TRPM3: variants seen among roughly 807,000 people sequenced by gnomAD.
The protein encoded by TRPM3 is long transient receptor potential channel 3.
A neutral mutation model predicts 181.2 loss-of-function variants in TRPM3; 77 were observed. The observed-to-expected ratio is 0.42, with a 90% confidence interval of 0.35 to 0.51. The LOEUF (loss-of-function observed/expected upper bound fraction) is 0.51, where lower values mean the gene tolerates loss of function less well. Ranked by LOEUF, TRPM3 falls within the 20% of genes least tolerant of loss-of-function variation. TRPM3 has a pLI of 0.01. For synonymous variants in TRPM3, 745 were observed against 796.4 expected (o/e 0.94, Z 1.09); for missense variants, 1,759 against 2,196.7 (o/e 0.80, Z 3.98).
chr9:71,438,601 A>T (rs939768988), intron 1 of TRPM3, among the ~76,000 whole-genome samples: 2 of 152,184 alleles, frequency 1.3e-5, no homozygotes, highest in Non-Finnish European at 2.9e-5. Flanking sequence ...TGAGCCCGGG[A>T]GGCTGAGGCT....
At chr9:71,146,109 G>C (rs1208161671) in intron 1 of TRPM3, among the ~76,000 whole-genome samples, 2 of 152,066 alleles carry the variant, frequency 1.3e-5, no homozygotes, top group Non-Finnish European at 2.9e-5. Context: ...TATTATCTTT[G>C]TGTATTTGGA....
intron 1 of TRPM3, among the ~76,000 whole-genome samples, chr9:70,872,307 G>C (rs1358133073): frequency 6.6e-6 from 1 of 151,916 alleles, no homozygotes. Context: ...GGTGTGAGTG[G>C]TGAGGTGTCA....
intron 1 of TRPM3, among the ~76,000 whole-genome samples, chr9:71,143,645 A>G (rs993024220): frequency 6.6e-6 from 1 of 152,208 alleles, no homozygotes; most frequent in East Asian, 1.9e-4. Context: ...TGCTGCAATG[A>G]ACATACACAT....
intron 22 of TRPM3, among the ~76,000 whole-genome samples, chr9:70,567,187 A>G (rs1337323190): frequency 1.3e-5 from 2 of 152,220 alleles, no homozygotes; most frequent in Admixed American, 6.5e-5. Context: ...AAGAAACCCA[A>G]ACTGAAGCTA....
Position 70,811,290 on chromosome 9 carries a change from A to G in TRPM3, c.973+16557T>C, listed in dbSNP as rs373426639. ...TGAAATTTCTACACCCTGTGGTTGC[A>G]TACACATTTTATTAAAGCAGATGGA... On this transcript the variant is annotated intron_variant, in intron 6 of 25. Coordinates refer to ENST00000677713, the MANE Select transcript of TRPM3 (RefSeq NM_001366145.2). 1.8e-4 allele frequency: 268 copies of G among 1,496,808 alleles called. 5 individuals carry two copies. In the South Asian group the frequency reaches 3.0e-3, roughly 17 times the overall value. The allele number at this position is 1,496,808 out of a possible 1,614,324, so 92.7% of individuals were successfully genotyped here. A position where few individuals can be genotyped will look rare whatever the true frequency, so the allele number is the denominator to read the frequency against.
intron 1 of TRPM3, among the ~76,000 whole-genome samples, chr9:71,295,474 T>C (rs1421802186): frequency 6.6e-6 from 1 of 151,568 alleles, no homozygotes; most frequent in Non-Finnish European, 1.5e-5. Flanking sequence ...GGCTTCCTTT[T>C]TTTTTTTTTA....
At chr9:70,815,508 G>C (rs1438944785) in intron 6 of TRPM3, among the ~76,000 whole-genome samples, 3 of 152,082 alleles carry the variant, frequency 2.0e-5, no homozygotes, top group Non-Finnish European at 4.4e-5. Context: ...TATACATAAT[G>C]ACACTCAATA....
At chr9:70,812,687 G>C (rs2092239572) in intron 6 of TRPM3, among the ~76,000 whole-genome samples, 1 of 152,160 alleles carries the variant, frequency 6.6e-6, no homozygotes, top group African/African-American at 2.4e-5. Flanking sequence ...ACAAGCACTT[G>C]TTAATGGAAC....
intron 1 of TRPM3, among the ~76,000 whole-genome samples, chr9:71,287,276 G>A (rs941197589): frequency 1.3e-5 from 2 of 151,538 alleles, no homozygotes; most frequent in African/African-American, 4.8e-5. Flanking sequence ...TTGTACAAAT[G>A]CCAAGAAGAG....
chr9:71,380,905 G>T (rs113271902), intron 1 of TRPM3, among the ~76,000 whole-genome samples: 2,346 of 150,010 alleles, frequency 0.016, 70 homozygotes, highest in African/African-American at 0.051. Context: ...GCCATATATA[G>T]TAGGGAGTAG....
intron 1 of TRPM3, among the ~76,000 whole-genome samples, chr9:71,163,519 A>C (rs947805906): frequency 2.0e-5 from 3 of 152,136 alleles, no homozygotes; most frequent in Non-Finnish European, 4.4e-5. Flanking sequence ...AAAATTTGGA[A>C]AAGAATGATG....
At chr9:70,800,078 T>C (rs2088476007) in intron 6 of TRPM3, among the ~76,000 whole-genome samples, 1 of 152,218 alleles carries the variant, frequency 6.6e-6, no homozygotes, top group African/African-American at 2.4e-5. Flanking sequence ...GGTTCAACAC[T>C]GAACATGAAC....
At chr9:71,398,915 A>C (rs1588850416) in intron 1 of TRPM3, among the ~76,000 whole-genome samples, 1 of 152,248 alleles carries the variant, frequency 6.6e-6, no homozygotes, top group East Asian at 1.9e-4. Flanking sequence ...GAGTAATGTA[A>C]ACTTTAAAAT....
intron 1 of TRPM3, among the ~76,000 whole-genome samples, chr9:71,434,024 T>A (rs999894190): frequency 6.6e-6 from 1 of 152,048 alleles, no homozygotes; most frequent in Non-Finnish European, 1.5e-5. Flanking sequence ...CCAGGCGTGG[T>A]GGCGCGCACC....
At chr9:71,396,902 G>A (rs1207623843) in intron 1 of TRPM3, among the ~76,000 whole-genome samples, 1 of 151,042 alleles carries the variant, frequency 6.6e-6, no homozygotes, top group East Asian at 1.9e-4. Context: ...GGAGGTGGAG[G>A]TTGCAGTGAG....
intron 1 of TRPM3, among the ~76,000 whole-genome samples, chr9:71,336,745 C>T (rs559497823): frequency 6.6e-6 from 1 of 152,144 alleles, no homozygotes; most frequent in East Asian, 1.9e-4. Context: ...GTACTGGTAC[C>T]AAAATAGAGA....
chr9:70,843,156 T>C, intron 4 of TRPM3, 29 bp from the exon 5 acceptor site: 2 of 1,594,444 alleles, frequency 1.3e-6, no homozygotes, highest in Non-Finnish European at 1.7e-6. Flanking sequence ...CATTGATTTT[T>C]TCTTTTAAAG....
chr9:71,310,055 C>A (rs2087769317), intron 1 of TRPM3, among the ~76,000 whole-genome samples: 1 of 151,826 alleles, frequency 6.6e-6, no homozygotes, highest in Non-Finnish European at 1.5e-5. Context: ...TGTAAACTAT[C>A]TAAATAAAAT....
intron 1 of TRPM3, among the ~76,000 whole-genome samples, chr9:71,310,082 A>G (rs1373557692): frequency 2.0e-5 from 3 of 152,120 alleles, no homozygotes; most frequent in Admixed American, 6.6e-5. Flanking sequence ...TTAAAATGAG[A>G]TCTTGGGTAG....
Sources: allele counts gnomAD v4.1 joint callset (sites outside exome capture counted in the v4.1 genomes callset), GRCh38; gene constraint gnomAD v4.1.1; transcripts MANE v1.5; gene names NCBI Gene and HGNC (gene_info 2026-07-23, HGNC 2026-07-21).